The following EYS variants were observed in gnomAD, a reference collection of about 807,000 sequenced individuals.
EYS encodes the protein protein eyes shut homolog.
EYS carries 250 observed loss-of-function variants against 282.1 expected under a neutral mutation model. That is an observed-to-expected ratio of 0.89 (90% confidence interval 0.80 to 0.98). The LOEUF is 0.98. EYS is among the 50% of genes least tolerant of loss of function. The probability of loss-of-function intolerance (pLI) is 0.00; values close to 1 mark genes in which losing one functional copy is unlikely to be tolerated. For missense variants in EYS, 4,016 were observed against 3,709.0 expected (o/e 1.08, Z -2.15); for synonymous variants, 1,355 against 1,282.9 (o/e 1.06, Z -1.20).
intron 8 of EYS, among the ~76,000 whole-genome samples, chr6:65,378,407 G>A (rs79344660): frequency 6.6e-6 from 1 of 152,188 alleles, no homozygotes; most frequent in Non-Finnish European, 1.5e-5. Context: ...AGGATGTGGA[G>A]AAATAGGAAC....
intron 35 of EYS, among the ~76,000 whole-genome samples, chr6:63,946,162 C>T (rs772544062): frequency 3.9e-5 from 6 of 152,216 alleles, no homozygotes; most frequent in Non-Finnish European, 7.3e-5. Context: ...AGAGCTGGTC[C>T]TGGACACACA....
At chr6:65,322,017 G>C (rs1268282469) in intron 11 of EYS, among the ~76,000 whole-genome samples, 1 of 152,156 alleles carries the variant, frequency 6.6e-6, no homozygotes, top group African/African-American at 2.4e-5. Flanking sequence ...CTCGTACCAA[G>C]ATATGATAGC....
intron 14 of EYS, among the ~76,000 whole-genome samples, chr6:64,993,658 A>G (rs1212503928): frequency 3.3e-5 from 5 of 151,160 alleles, no homozygotes; most frequent in Non-Finnish European, 7.4e-5. Context: ...GCACACCAAC[A>G]TGGCACATGT....
chr6:65,144,933 C>T (rs1474442227), intron 12 of EYS, among the ~76,000 whole-genome samples: 1 of 151,672 alleles, frequency 6.6e-6, no homozygotes, highest in African/African-American at 2.4e-5. Context: ...TCTCATTTGG[C>T]TTGTTTTTTG....
intron 41 of EYS, chr6:63,741,842 A>G: frequency 1.5e-6 from 1 of 679,936 alleles, no homozygotes; most frequent in South Asian, 1.5e-5. Flanking sequence ...TCTGACTCAA[A>G]TTTAGAAAGC....
rs558240476 is a variant in EYS at position 64,271,849 on chromosome 6, T to C, written c.6191+35121A>G. Reference sequence around the variant, plus strand: ...CTATTCTTATTTTATTTTATTTATTTATTTTTTTGAGACAGAGTCTCACTG... The same window carrying C: ...CTATTCTTATTTTATTTTATTTATTCATTTTTTTGAGACAGAGTCTCACTG... On this transcript the variant is annotated intron_variant, in intron 30 of 42. Transcript: ENST00000503581. Among the ~76,000 whole-genome samples, 9 of 152,238 alleles carry C rather than the reference T, an allele frequency of 5.9e-5. No homozygotes were observed. The South Asian group carries it at 1.9e-3, about 32-fold the overall frequency.
intron 31 of EYS, among the ~76,000 whole-genome samples, chr6:64,084,152 G>A (rs1772070505): frequency 6.6e-6 from 1 of 152,130 alleles, no homozygotes. Flanking sequence ...GCTAGATCTG[G>A]CAACACTATG....
At chr6:65,117,977 C>A (rs1419664691) in intron 12 of EYS, among the ~76,000 whole-genome samples, 1 of 152,064 alleles carries the variant, frequency 6.6e-6, no homozygotes, top group South Asian at 2.1e-4. Flanking sequence ...AAACTTGAAC[C>A]AGATACTTAC....
intron 13 of EYS, among the ~76,000 whole-genome samples, chr6:65,040,889 C>T (rs904271572): frequency 1.3e-5 from 2 of 151,612 alleles, no homozygotes; most frequent in South Asian, 2.1e-4. Flanking sequence ...CAATCTCTGG[C>T]CACAATAACT....
intron 5 of EYS, among the ~76,000 whole-genome samples, chr6:65,448,585 A>C (rs551751322): frequency 1.1e-4 from 17 of 152,144 alleles, no homozygotes; most frequent in African/African-American, 3.9e-4. Flanking sequence ...TTCAAAGATA[A>C]ACACAATAGG....
chr6:65,170,457 A>T (rs1360293444), intron 12 of EYS, among the ~76,000 whole-genome samples: 1 of 151,558 alleles, frequency 6.6e-6, no homozygotes, highest in Non-Finnish European at 1.5e-5. Flanking sequence ...TGGCCAAATG[A>T]TCTAGCTCTG....
rs1054043635 is a variant in EYS at position 65,030,535 on chromosome 6, C to T, written c.2137+27079G>A. Among the ~76,000 whole-genome samples, 6 of 152,154 alleles carry T rather than the reference C, an allele frequency of 3.9e-5. No individual in the cohort carries two copies. The East Asian group carries it at 9.7e-4, about 24-fold the overall frequency. On this transcript the variant is annotated intron_variant, in intron 13 of 42. Transcript: ENST00000503581. ...GTCCACATGCATGTACTCCACTGTACCACTATTGCTGCTGGCATGCATGCA... is the reference window on the plus strand; with the variant it reads ...GTCCACATGCATGTACTCCACTGTATCACTATTGCTGCTGGCATGCATGCA...
intron 5 of EYS, among the ~76,000 whole-genome samples, chr6:65,426,681 G>A (rs187178546): frequency 6.6e-5 from 10 of 152,130 alleles, no homozygotes; most frequent in African/African-American, 9.6e-5. Context: ...TGAATAAATC[G>A]TAGGGTTGTG....
chr6:64,470,917 C>T (rs1776105007), intron 26 of EYS, among the ~76,000 whole-genome samples: 1 of 152,094 alleles, frequency 6.6e-6, no homozygotes, highest in Non-Finnish European at 1.5e-5. Flanking sequence ...ACCTATTTAA[C>T]AAAATTATAG....
chr6:64,831,898 G>T (rs1227044971), intron 19 of EYS, among the ~76,000 whole-genome samples: 2 of 151,924 alleles, frequency 1.3e-5, no homozygotes, highest in South Asian at 4.1e-4. Flanking sequence ...CATTCTAAAT[G>T]AGTGAGTCAA....
intron 28 of EYS, among the ~76,000 whole-genome samples, chr6:64,389,268 G>C (rs758112848): frequency 3.3e-5 from 5 of 152,130 alleles, no homozygotes; most frequent in Non-Finnish European, 7.4e-5. Context: ...ACAGTAATTA[G>C]TTGTAGAAAT....
intron 2 of EYS, among the ~76,000 whole-genome samples, chr6:65,537,023 T>C (rs1767985090): frequency 6.6e-6 from 1 of 152,124 alleles, no homozygotes; most frequent in African/African-American, 2.4e-5. Flanking sequence ...TACATGGACA[T>C]AGAATGAGTT....
chr6:64,563,378 A>G (rs1274656252), intron 26 of EYS, among the ~76,000 whole-genome samples: 1 of 152,110 alleles, frequency 6.6e-6, no homozygotes, highest in East Asian at 1.9e-4. Flanking sequence ...AGAACATCAG[A>G]GAGCCTTTTC....
chr6:65,185,995 T>TTAAATAAGTAA (rs56368186), intron 12 of EYS, among the ~76,000 whole-genome samples: 133,464 of 151,580 alleles, frequency 0.88, 59,107 homozygotes, highest in East Asian at 0.97. Context: ...TGCCAAGCAC[T>TTAAATAAGTAA]TTACAAATTA....
Sources: allele counts gnomAD v4.1 joint callset (sites outside exome capture counted in the v4.1 genomes callset), GRCh38; gene constraint gnomAD v4.1.1; transcripts MANE v1.5; gene names NCBI Gene and HGNC (gene_info 2026-07-23, HGNC 2026-07-21).